Variants in SPOCK1 observed in about 807,000 individuals in gnomAD.
SPOCK1 encodes testican-1.
A neutral mutation model predicts 55.3 loss-of-function variants in SPOCK1; 23 were observed. The observed-to-expected ratio is 0.42, with a 90% confidence interval of 0.30 to 0.59. The LOEUF (loss-of-function observed/expected upper bound fraction) is 0.59. Among genes scored for constraint, SPOCK1 ranks in the 20% least tolerant of loss-of-function variants. SPOCK1 has a pLI of 0.22. For missense variants in SPOCK1, 499 were observed against 552.5 expected (o/e 0.90, Z 0.97); for synonymous variants, 226 against 221.0 (o/e 1.02, Z -0.20).
intron 3 of SPOCK1, among the ~76,000 whole-genome samples, chr5:137,207,970 T>A (rs1755548016): frequency 6.6e-6 from 1 of 152,120 alleles, no homozygotes; most frequent in African/African-American, 2.4e-5. Context: ...GGAAGGCATT[T>A]TAAAAGGTTC....
intron 5 of SPOCK1, among the ~76,000 whole-genome samples, chr5:137,089,459 T>C (rs1753015682): frequency 6.6e-6 from 1 of 152,066 alleles, no homozygotes; most frequent in African/African-American, 2.4e-5. Flanking sequence ...TACAACATGA[T>C]AGCAGAGGGC....
chr5:137,300,756 G>A (rs574147661), intron 2 of SPOCK1, among the ~76,000 whole-genome samples: 1 of 152,126 alleles, frequency 6.6e-6, no homozygotes, highest in African/African-American at 2.4e-5. Context: ...CTTTCCAGTT[G>A]TTCTAGCAGT....
At chr5:136,999,780 G>A (rs182558644) in intron 6 of SPOCK1, among the ~76,000 whole-genome samples, 6 of 152,264 alleles carry the variant, frequency 3.9e-5, no homozygotes, top group Admixed American at 6.5e-5. Flanking sequence ...GTGAGTGAGC[G>A]TGTCTCTGTT....
At chr5:137,303,254 A>G (rs1757637606) in intron 2 of SPOCK1, among the ~76,000 whole-genome samples, 2 of 152,184 alleles carry the variant, frequency 1.3e-5, no homozygotes, top group South Asian at 2.1e-4. Context: ...CAGAATGCCT[A>G]TGACATGTGA....
chr5:137,229,848 G>A (rs1275914527), intron 3 of SPOCK1, among the ~76,000 whole-genome samples: 1 of 152,146 alleles, frequency 6.6e-6, no homozygotes, highest in Non-Finnish European at 1.5e-5. Context: ...GCTCACAATA[G>A]GGTTCGTACT....
chr5:137,190,441 G>T (rs1403299661), intron 3 of SPOCK1, among the ~76,000 whole-genome samples: 1 of 152,158 alleles, frequency 6.6e-6, no homozygotes, highest in African/African-American at 2.4e-5. Flanking sequence ...TCAGATGATG[G>T]TTAGCATTTT....
intron 2 of SPOCK1, among the ~76,000 whole-genome samples, chr5:137,492,612 A>G (rs1754207926): frequency 6.6e-6 from 1 of 152,214 alleles, no homozygotes; most frequent in African/African-American, 2.4e-5. Flanking sequence ...TATTATTATC[A>G]TTTCTTAACA....
chr5:137,124,103 A>G (rs1046465719), intron 4 of SPOCK1, among the ~76,000 whole-genome samples: 2 of 152,176 alleles, frequency 1.3e-5, no homozygotes, highest in Non-Finnish European at 2.9e-5. Flanking sequence ...ACAACAAGCC[A>G]ACTTTCCACG....
chr5:137,193,856 A>G (rs1000156713), intron 3 of SPOCK1, among the ~76,000 whole-genome samples: 7 of 152,198 alleles, frequency 4.6e-5, no homozygotes, highest in Non-Finnish European at 4.4e-5. Flanking sequence ...CGGTAATAAC[A>G]TGGAGGGCTA....
At chr5:137,086,676 C>T (rs1240043678) in intron 5 of SPOCK1, among the ~76,000 whole-genome samples, 3 of 152,186 alleles carry the variant, frequency 2.0e-5, no homozygotes, top group African/African-American at 7.2e-5. Flanking sequence ...TCTGTGCAGC[C>T]CCTGTCACGT....
chr5:137,084,710 A>T (rs1280338995), intron 5 of SPOCK1, among the ~76,000 whole-genome samples: 1 of 152,158 alleles, frequency 6.6e-6, no homozygotes, highest in Non-Finnish European at 1.5e-5. Context: ...AGCCTAAAAA[A>T]ACCCAAAAAA....
intron 2 of SPOCK1, among the ~76,000 whole-genome samples, chr5:137,401,479 T>C (rs1751975746): frequency 7.1e-6 from 1 of 139,944 alleles, no homozygotes. Context: ...CCCAGCACTT[T>C]GGGAGGTTGA....
rs541680790 is a variant in SPOCK1, at chr5:137,313,590, T to A, written c.187-46535A>T. Reference sequence around the variant, plus strand: ...CTTAAAATGAACCTGACCCCATTCTTCTAAGCTCCCAGAACATATTGCTAC... The same window carrying A: ...CTTAAAATGAACCTGACCCCATTCTACTAAGCTCCCAGAACATATTGCTAC... On this transcript the variant is annotated intron_variant, in intron 2 of 10. Transcript: ENST00000394945. The A allele has an allele frequency of 5.5e-6, 3 of 541,114 alleles. No individual in the cohort carries two copies. The Admixed American group carries it at 1.9e-4, about 34-fold the overall frequency. The allele number at this position is 541,114 out of a possible 1,614,324, so 33.5% of individuals were successfully genotyped here.
At chr5:137,104,095 C>T (rs1753318101) in intron 5 of SPOCK1, among the ~76,000 whole-genome samples, 1 of 152,186 alleles carries the variant, frequency 6.6e-6, no homozygotes, top group South Asian at 2.1e-4. Flanking sequence ...TCTGTGTTCC[C>T]ACCCAAATCT....
chr5:137,261,908 A>G (rs1756748875), intron 3 of SPOCK1, among the ~76,000 whole-genome samples: 1 of 152,178 alleles, frequency 6.6e-6, no homozygotes, highest in African/African-American at 2.4e-5. Context: ...TCCAGCAGAG[A>G]ACCTGTTAGT....
intron 6 of SPOCK1, among the ~76,000 whole-genome samples, chr5:137,035,038 C>T (rs1214299699): frequency 1.3e-5 from 2 of 152,182 alleles, no homozygotes; most frequent in East Asian, 1.9e-4. Flanking sequence ...GTTCTTCCAT[C>T]AGATGCATGC....
chr5:137,027,619 A>G (rs976862412), intron 6 of SPOCK1, among the ~76,000 whole-genome samples: 2 of 152,200 alleles, frequency 1.3e-5, no homozygotes, highest in Non-Finnish European at 2.9e-5. Flanking sequence ...CAATATCCAT[A>G]TGTAGCTAGT....
chr5:137,301,940 C>A (rs557661747), intron 2 of SPOCK1, among the ~76,000 whole-genome samples: 1 of 152,162 alleles, frequency 6.6e-6, no homozygotes, highest in South Asian at 2.1e-4. Context: ...GACTGACATC[C>A]ACGAGCCCAC....
chr5:137,277,207 G>A (rs1428629306), intron 2 of SPOCK1, among the ~76,000 whole-genome samples: 6 of 151,934 alleles, frequency 3.9e-5, no homozygotes, highest in African/African-American at 1.5e-4. Context: ...TAGAGATGGG[G>A]TCTTGCTATA....
Sources: gnomAD v4.1 joint callset for allele counts (sites outside exome capture counted in the v4.1 genomes callset) on GRCh38, gnomAD v4.1.1 for gene constraint, MANE v1.5 for transcripts, NCBI Gene and HGNC (gene_info 2026-07-23, HGNC 2026-07-21) for gene names.